The following SNRPD3 variants were observed in gnomAD, a reference collection of about 807,000 sequenced individuals.
SNRPD3 encodes the protein small nuclear ribonucleoprotein D3 polypeptide, also known as small nuclear ribonucleoprotein Sm D3.
For missense variants in SNRPD3, 73 were observed against 167.5 expected, an observed-to-expected ratio of 0.44 and a Z score of 3.11; for synonymous variants, 66 against 58.4, an observed-to-expected ratio of 1.13 and a Z score of -0.59.
In SNRPD3 at chr22:24,571,911, T is replaced by A; in HGVS notation, c.320-5T>A. 6.2e-7 allele frequency: 1 copy of A among 1,614,140 alleles called. No individual in the cohort carries two copies. On this transcript the variant is annotated splice_polypyrimidine_tract_variant and splice_region_variant and intron_variant, in intron 3 of 3. Coordinates refer to ENST00000215829, the MANE Select transcript of SNRPD3 (RefSeq NM_004175.5). ...CCTGGCCTCATATTTTCTCTTCCCTTTCAGTGGCCGCAAGAGGAAGAGGAC... is the reference window on the plus strand; with the variant it reads ...CCTGGCCTCATATTTTCTCTTCCCTATCAGTGGCCGCAAGAGGAAGAGGAC...
intron 1 of SNRPD3, among the ~76,000 whole-genome samples, chr22:24,556,713 G>T (rs954470546): frequency 4.6e-5 from 7 of 152,158 alleles, no homozygotes; most frequent in Admixed American, 1.3e-4. Context: ...ATATAATTCT[G>T]CAGTGGTTCT....
chr22:24,572,109 A>G lies in SNRPD3; in HGVS notation c.*132A>G. 6.7e-7 allele frequency: 1 copy of G among 1,500,008 alleles called. No individual in the cohort carries two copies. Among genetic ancestry groups the G allele is most frequent in the Non-Finnish European group, 9.1e-7 (1 of 1,100,490 alleles). 92.9% of individuals were successfully genotyped at this position (1,500,008 alleles called of 1,614,324 possible). A position where few individuals can be genotyped will look rare whatever the true frequency, so the allele number is the denominator to read the frequency against. ...TTAGATCAGGGGAAATGTTTAAGCT[A>G]AATAAATCTGGGGGGTTTTTTGTTC... On this transcript the variant is annotated 3_prime_UTR_variant, in exon 4 of 4. Transcript: ENST00000215829.
chr22:24,557,803 A>G lies in SNRPD3; in HGVS notation c.126+3A>G. 6.2e-7 allele frequency: 1 copy of G among 1,605,454 alleles called. No homozygotes were observed. The highest frequency in any genetic ancestry group is 8.5e-7 in the Non-Finnish European group (1 of 1,176,022). On this transcript the variant is annotated splice_donor_region_variant and intron_variant, in intron 2 of 3. Coordinates refer to ENST00000215829, the MANE Select transcript of SNRPD3 (RefSeq NM_004175.5). ...CAGAGGACAACATGAACTGCCAGGTATTCTGCTTTGCATGTGAGGCTGTGT... is the reference window on the plus strand; with the variant it reads ...CAGAGGACAACATGAACTGCCAGGTGTTCTGCTTTGCATGTGAGGCTGTGT...
In SNRPD3 at chr22:24,573,653, T is replaced by C. The variant is rs954699071; in HGVS notation, c.*1676T>C. Among the ~76,000 whole-genome samples the C allele has an allele frequency of 6.6e-6, 1 of 152,126 alleles. No individual in the cohort carries two copies. Among genetic ancestry groups the C allele is most frequent in the Non-Finnish European group, 1.5e-5 (1 of 68,022 alleles). ...ACTTTGGGAGGTCGAGGCGGGAGGA[T>C]CACTTGAACCTAGGAGTTTGAGACT... On this transcript the variant is annotated 3_prime_UTR_variant, in exon 4 of 4. Transcript: ENST00000215829.
At chr22:24,559,061 A>G (rs535971083) in intron 2 of SNRPD3, among the ~76,000 whole-genome samples, 9 of 152,328 alleles carry the variant, frequency 5.9e-5, no homozygotes, top group African/African-American at 1.7e-4. Flanking sequence ...TGCCTCACAT[A>G]CTGTGAGTGT....
intron 2 of SNRPD3, among the ~76,000 whole-genome samples, chr22:24,563,753 A>G (rs114884043): frequency 0.013 from 1,911 of 152,248 alleles, 9 homozygotes; most frequent in Middle Eastern, 0.017. Flanking sequence ...TGACCACCCA[A>G]TCACTGATGG....
rs529432676 is a variant in SNRPD3, at chr22:24,573,258, GACAAAAAC to G, written c.*1285_*1292del. ...TAAGATACACAGGGTGAATAATTGT[GACAAAAAC>G]ACAGAAACTGGAAAAGCAGCCTGAA... On this transcript the variant is annotated 3_prime_UTR_variant, in exon 4 of 4. Transcript: ENST00000215829. 5.5e-4 allele frequency among the ~76,000 whole-genome samples: 84 copies of G among 152,126 alleles called. No individual in the cohort carries two copies. In the East Asian group the frequency reaches 9.9e-3, roughly 18 times the overall value.
At chr22:24,560,716 T>C (rs2330885) in intron 2 of SNRPD3, among the ~76,000 whole-genome samples, 7,464 of 9,252 alleles carry the variant, frequency 0.81, 2,890 homozygotes, top group Middle Eastern at 0.92. Flanking sequence ...GCACCTGGCC[T>C]TTTTTTTTTT....
At chr22:24,559,512 G>GT (rs2045112373) in intron 2 of SNRPD3, among the ~76,000 whole-genome samples, 1 of 152,128 alleles carries the variant, frequency 6.6e-6, no homozygotes, top group African/African-American at 2.4e-5. Flanking sequence ...CATCCCATCC[G>GT]TAACGTGAAG....
chr22:24,564,679 A>G (rs1466997607), intron 2 of SNRPD3, among the ~76,000 whole-genome samples: 1 of 152,148 alleles, frequency 6.6e-6, no homozygotes, highest in Non-Finnish European at 1.5e-5. Context: ...CATTTATGGA[A>G]ATGCCTAGAT....
chr22:24,572,107 C>A lies in SNRPD3; in HGVS notation c.*130C>A, dbSNP rs1188151310. The stretch of plus-strand genomic sequence containing the variant: ...CTTTAGATCAGGGGAAATGTTTAAG[C>A]TAAATAAATCTGGGGGGTTTTTTGT... On this transcript the variant is annotated 3_prime_UTR_variant, in exon 4 of 4. Coordinates refer to ENST00000215829, the MANE Select transcript of SNRPD3 (RefSeq NM_004175.5). The A allele has an allele frequency of 6.7e-7, 1 of 1,496,772 alleles. No homozygotes were observed. Among genetic ancestry groups the A allele is most frequent in the Non-Finnish European group, 9.1e-7 (1 of 1,097,406 alleles). The allele number at this position is 1,496,772 out of a possible 1,614,324, so 92.7% of individuals were successfully genotyped here. A position where few individuals can be genotyped will look rare whatever the true frequency, so the allele number is the denominator to read the frequency against.
rs548913972 is a variant in SNRPD3, at chr22:24,573,016, G to A, written c.*1039G>A. Among the ~76,000 whole-genome samples the A allele has an allele frequency of 3.3e-5, 5 of 152,254 alleles. No homozygotes were observed. The highest frequency in any genetic ancestry group is 1.2e-4 in the African/African-American group (5 of 41,548). On this transcript the variant is annotated 3_prime_UTR_variant, in exon 4 of 4. Coordinates refer to ENST00000215829, the MANE Select transcript of SNRPD3 (RefSeq NM_004175.5). ...AGAGGAGTTCAAAACCAGCCCGCGA[G>A]ACATAGTGAGACCCTGTCTCTACAA...
chr22:24,562,826 C>T (rs893210881), intron 2 of SNRPD3, among the ~76,000 whole-genome samples: 1 of 152,142 alleles, frequency 6.6e-6, no homozygotes, highest in Non-Finnish European at 1.5e-5. Flanking sequence ...GAAATGTAAA[C>T]CTGAATCTCT....
At chr22:24,571,504 C>T (rs1274743213) in intron 3 of SNRPD3, among the ~76,000 whole-genome samples, 3 of 152,152 alleles carry the variant, frequency 2.0e-5, no homozygotes, top group East Asian at 3.9e-4. Context: ...TTTGGGAGGC[C>T]GAGGTGGGTG....
rs548057160 is a variant in SNRPD3 at position 24,573,971 on chromosome 22, C to T, written c.*1994C>T. The stretch of plus-strand genomic sequence containing the variant: ...TGCAAGCCGCACACCTGGAGTGGGG[C>T]CCAGGAATCTGCATTTTAAACAATT... On this transcript the variant is annotated 3_prime_UTR_variant, in exon 4 of 4. Coordinates refer to ENST00000215829, the MANE Select transcript of SNRPD3 (RefSeq NM_004175.5). Among the ~76,000 whole-genome samples the T allele has an allele frequency of 5.5e-4, 84 of 152,248 alleles. No individual in the cohort carries two copies. Among genetic ancestry groups the T allele is most frequent in the African/African-American group, 2.0e-3 (82 of 41,548 alleles).
intron 2 of SNRPD3, among the ~76,000 whole-genome samples, chr22:24,558,744 G>A (rs141702181): frequency 3.1e-3 from 476 of 152,324 alleles, no homozygotes; most frequent in Non-Finnish European, 5.0e-3. Context: ...AGACTACAGC[G>A]TAGTTTTGAG....
At chr22:24,567,860 G>C (rs2045211214) in intron 2 of SNRPD3, 124 bp from the exon 3 acceptor site, 1 of 697,094 alleles carries the variant, frequency 1.4e-6, no homozygotes, top group Non-Finnish European at 2.5e-6. Context: ...TGATTGCTGG[G>C]TAATTCACCA....
At chr22:24,569,695 G>A (rs2045231090) in intron 3 of SNRPD3, among the ~76,000 whole-genome samples, 1 of 152,188 alleles carries the variant, frequency 6.6e-6, no homozygotes, top group Admixed American at 6.5e-5. Context: ...CATCTGAATG[G>A]CTTCAAGCCA....
At chr22:24,567,904 T>C in intron 2 of SNRPD3, 80 bp from the exon 3 acceptor site, 3 of 1,104,406 alleles carry the variant, frequency 2.7e-6, no homozygotes, top group Non-Finnish European at 4.0e-6. Context: ...TTTTCTGGAC[T>C]TCCCCCTCCC....
Sources: allele counts gnomAD v4.1 joint callset (sites outside exome capture counted in the v4.1 genomes callset), GRCh38; gene constraint gnomAD v4.1.1; transcripts MANE v1.5; gene names NCBI Gene and HGNC (gene_info 2026-07-23, HGNC 2026-07-21).